The following DYNLT2 variants were observed in gnomAD, a reference collection of about 807,000 sequenced individuals.
The protein encoded by DYNLT2 is dynein light chain Tctex-type 2, also known as dynein light chain Tctex-type protein 2.
DYNLT2 carries 24 observed loss-of-function variants against 24.3 expected under a neutral mutation model. That is an observed-to-expected ratio of 0.99 (90% confidence interval 0.71 to 1.39). DYNLT2 has a LOEUF of 1.39. Among genes scored for constraint, DYNLT2 ranks in the 40% most tolerant of loss-of-function variants. The probability of loss-of-function intolerance (pLI) is 0.00; values close to 1 mark genes in which losing one functional copy is unlikely to be tolerated. For missense variants in DYNLT2, 246 were observed against 234.5 expected, an observed-to-expected ratio of 1.05 and a Z score of -0.32; for synonymous variants, 85 against 85.4, an observed-to-expected ratio of 1.00 and a Z score of 0.03.
At chr6:169,729,363 C>T in the DYNLT2 span, among the ~76,000 whole-genome samples, 1 of 152,168 alleles carries the variant, frequency 6.6e-6, no homozygotes, top group Non-Finnish European at 1.5e-5. Flanking sequence ...CTAATCACAT[C>T]TAATTTCATT....
At chr6:169,731,730 C>A in the DYNLT2 span, among the ~76,000 whole-genome samples, 1 of 152,040 alleles carries the variant, frequency 6.6e-6, no homozygotes, top group East Asian at 1.9e-4. Context: ...ACAGATATAA[C>A]AAATGGAAAA....
downstream of DYNLT2, among the ~76,000 whole-genome samples, chr6:169,737,504 TG>T (rs1023305308): frequency 4.6e-5 from 7 of 152,196 alleles, no homozygotes; most frequent in African/African-American, 1.7e-4. Context: ...GGGGTTTTTG[TG>T]GGGGCCTTTT....
chr6:169,729,908 T>C, the DYNLT2 span, among the ~76,000 whole-genome samples: 1 of 148,834 alleles, frequency 6.7e-6, no homozygotes. Flanking sequence ...AGAACCTCAA[T>C]AAAAAATATT....
At chr6:169,739,025 G>C (rs570141784), downstream of DYNLT2, 1 of 151,994 alleles carries the variant, frequency 6.6e-6, no homozygotes, top group Non-Finnish European at 1.5e-5. Context: ...TTATCTCCTT[G>C]TTTATAGATA....
chr6:169,743,997 C>T (rs746250435), intron 2 of DYNLT2, 71 bp downstream of exon 2: 765 of 1,427,308 alleles, frequency 5.4e-4, no homozygotes, highest in Admixed American at 7.9e-4. Context: ...TAAATTTCTT[C>T]GTATATATAA....
chr6:169,740,433 C>T, intron 3 of DYNLT2, 138 bp from the exon 4 acceptor site: 1 of 619,846 alleles, frequency 1.6e-6, no homozygotes, highest in South Asian at 2.0e-5. Flanking sequence ...TCTGGTTTTC[C>T]CTTTCATAAA....
intron 1 of DYNLT2, among the ~76,000 whole-genome samples, chr6:169,745,132 G>A (rs576913413): frequency 2.0e-5 from 3 of 151,512 alleles, no homozygotes; most frequent in Admixed American, 6.6e-5. Context: ...TTGCTCAGTC[G>A]CCCAGGCTGG....
chr6:169,740,043 G>A, downstream of DYNLT2: 1 of 589,342 alleles, frequency 1.7e-6, no homozygotes, highest in East Asian at 2.8e-5. Context: ...CTTCTACTTT[G>A]TTGTTAAAAT....
the DYNLT2 span, among the ~76,000 whole-genome samples, chr6:169,732,190 C>T: frequency 2.6e-5 from 4 of 151,646 alleles, no homozygotes; most frequent in East Asian, 5.8e-4. Context: ...TTTTTTTTCA[C>T]CAAGCATATT....
chr6:169,733,889 T>G, the DYNLT2 span, among the ~76,000 whole-genome samples: 9 of 152,380 alleles, frequency 5.9e-5, no homozygotes, highest in South Asian at 1.7e-3. Flanking sequence ...TGTGGCCATT[T>G]TCACAATGGT....
chr6:169,744,420 T>A, intron 1 of DYNLT2, 146 bp from the exon 2 acceptor site: 1 of 702,278 alleles, frequency 1.4e-6, no homozygotes. Context: ...TCTACAATAA[T>A]GTGGTTGCTA....
At chr6:169,736,407 G>A (rs1789563928), downstream of DYNLT2, among the ~76,000 whole-genome samples, 1 of 152,124 alleles carries the variant, frequency 6.6e-6, no homozygotes, top group Admixed American at 6.6e-5. Flanking sequence ...TCTTCATAGT[G>A]TCATTGGTCT....
the DYNLT2 span, among the ~76,000 whole-genome samples, chr6:169,732,452 C>A: frequency 6.6e-6 from 1 of 152,152 alleles, no homozygotes; most frequent in Non-Finnish European, 1.5e-5. Context: ...CTCTCACCCC[C>A]AACAGGCCCT....
rs1169701195 is a variant in DYNLT2 at position 169,740,162 on chromosome 6, C to T, written c.*23G>A. 2.8e-6 allele frequency: 4 copies of T among 1,450,656 alleles called. No homozygotes were observed. Among genetic ancestry groups the T allele is most frequent in the South Asian group, 1.2e-5 (1 of 84,188 alleles). The allele number at this position is 1,450,656 out of a possible 1,614,324, so 89.9% of individuals were successfully genotyped here. On this transcript the variant is annotated 3_prime_UTR_variant, in exon 4 of 4. Transcript: ENST00000366774. ...TATTTTTGAAAAGTTCGGAAGTAAACAATCCTTAGTACCTGTAATGAGCTA... is the reference window on the plus strand; with the variant it reads ...TATTTTTGAAAAGTTCGGAAGTAAATAATCCTTAGTACCTGTAATGAGCTA...
chr6:169,744,036 A>G (rs775000910), intron 2 of DYNLT2, 32 bp downstream of exon 2: 16 of 1,588,310 alleles, frequency 1.0e-5, no homozygotes, highest in Non-Finnish European at 1.3e-5. Context: ...ACCCTCATAC[A>G]ATACTGCTAT....
At chr6:169,741,001 G>T (rs1258863981) in intron 3 of DYNLT2, among the ~76,000 whole-genome samples, 1 of 151,952 alleles carries the variant, frequency 6.6e-6, no homozygotes, top group Non-Finnish European at 1.5e-5. Flanking sequence ...TAGAGATGGG[G>T]TTTCACCATG....
intron 1 of DYNLT2, among the ~76,000 whole-genome samples, chr6:169,748,478 C>T (rs888554508): frequency 2.6e-5 from 4 of 152,152 alleles, no homozygotes; most frequent in African/African-American, 9.7e-5. Flanking sequence ...TTGTGTGTTA[C>T]TTTAAGTAGT....
At chr6:169,747,705 C>T (rs185014456) in intron 1 of DYNLT2, among the ~76,000 whole-genome samples, 3 of 152,252 alleles carry the variant, frequency 2.0e-5, no homozygotes, top group African/African-American at 7.2e-5. Flanking sequence ...TTGACGAAAA[C>T]TAATAACTCT....
chr6:169,731,577 T>C, the DYNLT2 span, among the ~76,000 whole-genome samples: 1 of 152,246 alleles, frequency 6.6e-6, no homozygotes, highest in Admixed American at 6.5e-5. Flanking sequence ...CTTGTCTGTT[T>C]TTTTCACCAC....
Sources: allele counts gnomAD v4.1 joint callset (sites outside exome capture counted in the v4.1 genomes callset), GRCh38; gene constraint gnomAD v4.1.1; transcripts MANE v1.5; gene names NCBI Gene and HGNC (gene_info 2026-07-23, HGNC 2026-07-21).